Variants in CDKN2B-AS1 observed in about 807,000 individuals in gnomAD.
The protein encoded by CDKN2B-AS1 is CDKN2B antisense RNA 1 (non-protein coding).
At chr9:22,023,674 T>G (rs1238568216) in intron 1 of CDKN2B-AS1, among the ~76,000 whole-genome samples, 3 of 152,072 alleles carry the variant, frequency 2.0e-5, no homozygotes, top group African/African-American at 4.8e-5. Context: ...ACCTGGGAGA[T>G]GAAGGTTGCA....
chr9:22,108,953 A>C (rs551899450), intron 4 of CDKN2B-AS1, among the ~76,000 whole-genome samples: 4 of 152,272 alleles, frequency 2.6e-5, no homozygotes, highest in East Asian at 1.9e-4. Context: ...AATAAAAAAA[A>C]CCCCAAAACT....
chr9:22,020,343 T>C (rs1400585327), intron 1 of CDKN2B-AS1, among the ~76,000 whole-genome samples: 1 of 152,236 alleles, frequency 6.6e-6, no homozygotes, highest in Admixed American at 6.5e-5. Flanking sequence ...AACATACACA[T>C]GCAAGTGTCT....
chr9:22,073,740 T>C (rs1824386976), intron 4 of CDKN2B-AS1, among the ~76,000 whole-genome samples: 1 of 152,226 alleles, frequency 6.6e-6, no homozygotes, highest in South Asian at 2.1e-4. Context: ...TTAGTTTAGA[T>C]TTATTTTTAA....
chr9:22,009,309 G>C, intron 1 of CDKN2B-AS1: 1 of 427,120 alleles, frequency 2.3e-6, no homozygotes, highest in Non-Finnish European at 4.2e-6. Context: ...GCAGAGTGGG[G>C]AGCCAGCCGG....
intron 4 of CDKN2B-AS1, chr9:22,065,574 A>G (rs1003832159): frequency 2.6e-5 from 4 of 152,182 alleles, no homozygotes; most frequent in Admixed American, 6.5e-5. Context: ...CTATTGAACG[A>G]ACTTTTTGTT....
chr9:22,042,823 CTT>C (rs986063863), intron 1 of CDKN2B-AS1, among the ~76,000 whole-genome samples: 2 of 152,120 alleles, frequency 1.3e-5, no homozygotes, highest in African/African-American at 4.8e-5. Flanking sequence ...AATTCTGACT[CTT>C]GTCACACAAT....
Position 22,098,457 on chromosome 9 carries a change from AC to A in CDKN2B-AS1, n.439-28645del, listed in dbSNP as rs1384672964. 4.6e-5 allele frequency among the ~76,000 whole-genome samples: 7 copies of A among 151,932 alleles called. No homozygotes were observed. In the East Asian group the frequency reaches 1.3e-3, roughly 29 times the overall value. On this transcript the variant is annotated intron_variant and non_coding_transcript_variant, in intron 4 of 4. Coordinates refer to ENST00000650946, the Ensembl canonical transcript of CDKN2B-AS1. ...TTATCACCATGCTTTCTGAAACAAC[AC>A]GATATGTATCACCTTTATAAAAATA...
intron 4 of CDKN2B-AS1, among the ~76,000 whole-genome samples, chr9:22,103,130 G>GGT (rs1169941897): frequency 1.1e-5 from 1 of 88,480 alleles, no homozygotes; most frequent in African/African-American, 4.1e-5. Context: ...TTCTAGAACA[G>GGT]ATGTGTGTGT....
chr9:22,012,334 C>G, intron 1 of CDKN2B-AS1: 1 of 1,396,436 alleles, frequency 7.2e-7, no homozygotes, highest in South Asian at 1.2e-5. Context: ...CAGACTACAA[C>G]GTCCAGAAAC....
At chr9:22,102,559 A>G (rs1825521937) in intron 4 of CDKN2B-AS1, among the ~76,000 whole-genome samples, 2 of 151,938 alleles carry the variant, frequency 1.3e-5, no homozygotes, top group South Asian at 4.2e-4. Flanking sequence ...TGGTGGCTTC[A>G]GGTGTTTTGT....
chr9:22,021,832 A>C (rs1333191380), intron 1 of CDKN2B-AS1, among the ~76,000 whole-genome samples: 1 of 152,146 alleles, frequency 6.6e-6, no homozygotes, highest in African/African-American at 2.4e-5. Flanking sequence ...ACTATGTTGA[A>C]TAGAAGTGTT....
chr9:22,068,470 A>C (rs188318741), intron 4 of CDKN2B-AS1, among the ~76,000 whole-genome samples: 2 of 152,176 alleles, frequency 1.3e-5, no homozygotes, highest in Non-Finnish European at 2.9e-5. Flanking sequence ...GGCGGAGAAG[A>C]ATGTCCCGGC....
At chr9:22,003,856 A>G in intron 1 of CDKN2B-AS1, 1 of 232,422 alleles carries the variant, frequency 4.3e-6, no homozygotes, top group Non-Finnish European at 8.5e-6. Flanking sequence ...GGAGCTTACA[A>G]GGGAGATCAT....
chr9:22,035,384 A>G (rs1223490677), intron 1 of CDKN2B-AS1, among the ~76,000 whole-genome samples: 1 of 151,972 alleles, frequency 6.6e-6, no homozygotes. Flanking sequence ...GTTCTTTTGA[A>G]AAGAATTACA....
chr9:22,100,061 A>G (rs964262900), intron 4 of CDKN2B-AS1, among the ~76,000 whole-genome samples: 1 of 152,170 alleles, frequency 6.6e-6, no homozygotes, highest in Non-Finnish European at 1.5e-5. Flanking sequence ...GCATTGACAC[A>G]TTTGTTGACA....
chr9:22,121,419 T>C (rs978396521), intron 4 of CDKN2B-AS1, among the ~76,000 whole-genome samples: 1 of 152,064 alleles, frequency 6.6e-6, no homozygotes, highest in Non-Finnish European at 1.5e-5. Flanking sequence ...CGCTTTGATA[T>C]ATATAATGTA....
At chr9:22,019,003 A>C (rs767770372) in intron 1 of CDKN2B-AS1, among the ~76,000 whole-genome samples, 1 of 152,216 alleles carries the variant, frequency 6.6e-6, no homozygotes, top group African/African-American at 2.4e-5. Context: ...TTAACTAATC[A>C]AAAGAGAGGC....
intron 1 of CDKN2B-AS1, among the ~76,000 whole-genome samples, chr9:22,021,525 A>G (rs568668127): frequency 6.6e-6 from 1 of 152,308 alleles, no homozygotes; most frequent in African/African-American, 2.4e-5. Flanking sequence ...CAGTATGGCC[A>G]TTTTCACAAT....
intron 4 of CDKN2B-AS1, among the ~76,000 whole-genome samples, chr9:22,062,421 G>C (rs1823857878): frequency 6.6e-6 from 1 of 152,172 alleles, no homozygotes; most frequent in African/African-American, 2.4e-5. Context: ...GGTATAGTTT[G>C]TGTTTTATCT....
Sources: allele counts gnomAD v4.1 joint callset (sites outside exome capture counted in the v4.1 genomes callset), GRCh38; gene constraint gnomAD v4.1.1; transcripts MANE v1.5; gene names NCBI Gene and HGNC (gene_info 2026-07-23, HGNC 2026-07-21).